ITFG1: variants seen among roughly 807,000 people sequenced by gnomAD.
ITFG1 encodes T-cell immunomodulatory protein.
ITFG1 carries 34 observed loss-of-function variants against 81.8 expected under a neutral mutation model. That is an observed-to-expected ratio of 0.42 (90% CI 0.32 to 0.55). The LOEUF is 0.55. Ranked by LOEUF, ITFG1 falls within the 20% of genes least tolerant of loss-of-function variation. The probability of loss-of-function intolerance (pLI) is 0.17; values close to 1 mark genes in which losing one functional copy is unlikely to be tolerated. For synonymous variants in ITFG1, 285 were observed against 270.6 expected (o/e 1.05, Z -0.52); for missense variants, 672 against 755.4 (o/e 0.89, Z 1.29).
chr16:47,329,881 T>G (rs567594667), intron 8 of ITFG1, among the ~76,000 whole-genome samples: 22 of 152,184 alleles, frequency 1.4e-4, no homozygotes, highest in Admixed American at 1.0e-3. Flanking sequence ...TCTTGGCACA[T>G]AAGAGCTAAA....
intron 14 of ITFG1, among the ~76,000 whole-genome samples, chr16:47,198,423 A>G (rs555115958): frequency 6.6e-6 from 1 of 152,380 alleles, no homozygotes; most frequent in Admixed American, 6.5e-5. Flanking sequence ...AGGGGTAAAC[A>G]AAACTACTGT....
intron 13 of ITFG1, among the ~76,000 whole-genome samples, chr16:47,236,910 T>C (rs941089406): frequency 1.3e-5 from 2 of 152,202 alleles, no homozygotes; most frequent in African/African-American, 4.8e-5. Context: ...TACCTGGAGA[T>C]TGTTCTTAGC....
intron 6 of ITFG1, among the ~76,000 whole-genome samples, chr16:47,408,045 A>C (rs1268602649): frequency 6.6e-6 from 1 of 152,234 alleles, no homozygotes; most frequent in Non-Finnish European, 1.5e-5. Flanking sequence ...ACTGCATTTT[A>C]AAACGCAAAT....
chr16:47,307,540 T>C (rs1967189415), intron 10 of ITFG1, among the ~76,000 whole-genome samples: 1 of 152,214 alleles, frequency 6.6e-6, no homozygotes, highest in Non-Finnish European at 1.5e-5. Flanking sequence ...TGGAGTTGGT[T>C]GAGTGAAGGC....
chr16:47,295,207 C>T (rs139632046), intron 10 of ITFG1, among the ~76,000 whole-genome samples: 60 of 152,228 alleles, frequency 3.9e-4, no homozygotes, highest in African/African-American at 1.4e-3. Flanking sequence ...TCTTGCTGTG[C>T]TGTTGGATTC....
At chr16:47,453,044 T>C (rs1969408736) in intron 3 of ITFG1, among the ~76,000 whole-genome samples, 1 of 152,178 alleles carries the variant, frequency 6.6e-6, no homozygotes, top group Non-Finnish European at 1.5e-5. Flanking sequence ...CATCTAAATA[T>C]TTGCTAGCTG....
intron 14 of ITFG1, among the ~76,000 whole-genome samples, chr16:47,182,828 G>C (rs1318051416): frequency 6.6e-6 from 1 of 152,212 alleles, no homozygotes; most frequent in East Asian, 1.9e-4. Context: ...CGCAGAAGAC[G>C]GGTGATTTCT....
At chr16:47,191,649 C>T (rs1965294465) in intron 14 of ITFG1, among the ~76,000 whole-genome samples, 1 of 152,280 alleles carries the variant, frequency 6.6e-6, no homozygotes, top group African/African-American at 2.4e-5. Flanking sequence ...GCTGGGATTA[C>T]AGGCACATAC....
chr16:47,234,212 T>C (rs1026694807), intron 13 of ITFG1, among the ~76,000 whole-genome samples: 1 of 152,142 alleles, frequency 6.6e-6, no homozygotes, highest in African/African-American at 2.4e-5. Context: ...AGACCAGGAA[T>C]TTAAAATAAC....
chr16:47,351,528 AG>A (rs1967954632), intron 8 of ITFG1, among the ~76,000 whole-genome samples: 1 of 152,200 alleles, frequency 6.6e-6, no homozygotes, highest in Non-Finnish European at 1.5e-5. Context: ...CTCTTCAAGG[AG>A]AACTACAAAC....
rs528646511 is a variant in ITFG1, at chr16:47,453,017, C to G, written c.428-227G>C. ...ACAGTGAAGACTAGCATTACAATAA[C>G]CTCCTTTTGAGGTATGCATCTAAAT... On this transcript the variant is annotated intron_variant, in intron 3 of 17. Transcript: ENST00000320640. Among the ~76,000 whole-genome samples, 17 of 152,242 alleles carry G rather than the reference C, an allele frequency of 1.1e-4. No individual in the cohort carries two copies. In the South Asian group the frequency reaches 3.5e-3, roughly 32 times the overall value.
At chr16:47,329,178 T>C (rs1967604777) in intron 8 of ITFG1, among the ~76,000 whole-genome samples, 1 of 152,168 alleles carries the variant, frequency 6.6e-6, no homozygotes, top group Admixed American at 6.6e-5. Context: ...TCTAGGATTT[T>C]ATATTTGGGC....
intron 8 of ITFG1, among the ~76,000 whole-genome samples, chr16:47,363,710 T>C (rs973862483): frequency 1.3e-5 from 2 of 152,226 alleles, no homozygotes; most frequent in African/African-American, 4.8e-5. Flanking sequence ...TTTTTTGCTA[T>C]TAAATTAACA....
At chr16:47,456,329 A>G (rs1054603944) in intron 2 of ITFG1, among the ~76,000 whole-genome samples, 1 of 152,238 alleles carries the variant, frequency 6.6e-6, no homozygotes, top group Non-Finnish European at 1.5e-5. Context: ...ATTAGGAGAA[A>G]GAAGAGGGTT....
chr16:47,428,773 C>G (rs763810640), intron 6 of ITFG1, 31 bp downstream of exon 6: 36 of 1,375,080 alleles, frequency 2.6e-5, no homozygotes, highest in Non-Finnish European at 3.4e-5. Context: ...TTTGGTAACT[C>G]AAAACAATTC....
At chr16:47,297,672 C>T (rs939168279) in intron 10 of ITFG1, among the ~76,000 whole-genome samples, 1 of 149,842 alleles carries the variant, frequency 6.7e-6, no homozygotes, top group African/African-American at 2.5e-5. Flanking sequence ...AGAAAAAAGG[C>T]TCTCAATCCA....
intron 6 of ITFG1, among the ~76,000 whole-genome samples, chr16:47,410,856 T>C (rs578200001): frequency 6.6e-5 from 10 of 152,256 alleles, no homozygotes; most frequent in South Asian, 2.1e-4. Context: ...TGGCAAAACA[T>C]AGCAATGGGG....
At chr16:47,361,434 C>T (rs375784275) in intron 8 of ITFG1, among the ~76,000 whole-genome samples, 1 of 151,978 alleles carries the variant, frequency 6.6e-6, no homozygotes, top group Non-Finnish European at 1.5e-5. Context: ...AGAGATAACA[C>T]CTTATTTATA....
intron 5 of ITFG1, among the ~76,000 whole-genome samples, chr16:47,431,481 G>C (rs961521006): frequency 6.6e-6 from 1 of 152,168 alleles, no homozygotes; most frequent in African/African-American, 2.4e-5. Flanking sequence ...CCTGGCCTCT[G>C]ACCCTGTCCA....
Sources: gnomAD v4.1 joint callset for allele counts (sites outside exome capture counted in the v4.1 genomes callset) on GRCh38, gnomAD v4.1.1 for gene constraint, MANE v1.5 for transcripts, NCBI Gene and HGNC (gene_info 2026-07-23, HGNC 2026-07-21) for gene names.